GHRH: variants seen among roughly 807,000 people sequenced by gnomAD.
GHRH encodes somatoliberin.
GHRH carries 7 observed loss-of-function variants against 15.6 expected under a neutral mutation model. That is an observed-to-expected ratio of 0.45 (90% confidence interval 0.26 to 0.84). GHRH has a LOEUF of 0.84. Among genes scored for constraint, GHRH ranks in the 40% least tolerant of loss-of-function variants. The pLI, the probability that GHRH is intolerant of heterozygous loss-of-function variation, is 0.18. For missense variants in GHRH, 117 were observed against 138.0 expected (o/e 0.85, Z 0.76); for synonymous variants, 54 against 50.4 (o/e 1.07, Z -0.30).
Position 37,256,394 on chromosome 20 carries a change from C to A in GHRH, c.188G>T (p.Gly63Val), listed in dbSNP as rs1216036464. 6.2e-7 allele frequency: 1 copy of A among 1,601,618 alleles called. No homozygotes were observed. The highest frequency in any genetic ancestry group is 8.5e-7 in the Non-Finnish European group (1 of 1,170,212). ...LLQDIMSRQQ[G>V]ESNQERGARA... ...AGAAATCACTAGAACTCCTGCTTAC[C>A]CCTGCTGCCTGCTCATGATGTCCTG... Residue 63 changes from glycine to valine, a missense_variant and splice_region_variant, in exon 3 of 5, where the codon GGA becomes GTA. Coordinates refer to ENST00000373614, the MANE Select transcript of GHRH (RefSeq NM_021081.6).
chr20:37,251,989 G>A (rs544611149), intron 4 of GHRH, among the ~76,000 whole-genome samples: 5 of 152,236 alleles, frequency 3.3e-5, no homozygotes, highest in South Asian at 4.1e-4. Flanking sequence ...TTTAACTCGC[G>A]GGAACAAAGC....
chr20:37,255,707 T>C (rs1299618330), intron 3 of GHRH, among the ~76,000 whole-genome samples: 1 of 113,208 alleles, frequency 8.8e-6, no homozygotes, highest in East Asian at 2.4e-4. Flanking sequence ...CCCTGTACAA[T>C]GGGGATAAGG....
intron 3 of GHRH, 59 bp from the exon 4 acceptor site, chr20:37,254,388 G>T: frequency 6.3e-7 from 1 of 1,580,828 alleles, no homozygotes; most frequent in Non-Finnish European, 8.7e-7. Flanking sequence ...AAAGGCAGGG[G>T]TATATCCCTA....
In GHRH at chr20:37,256,438, C is replaced by T. The variant is rs970111387; in HGVS notation, c.144G>A (p.Leu48=). 6.2e-7 allele frequency: 1 copy of T among 1,613,586 alleles called. No homozygotes were observed. Among genetic ancestry groups the T allele is most frequent in the Admixed American group, 1.7e-5 (1 of 59,988 alleles). The change falls in exon 3 of 5, where the codon CTG becomes CTA. Residue 48 remains leucine (L), a synonymous_variant. Transcript: ENST00000373614. The part of the protein sequence containing the change: ...TNSYRKVLGQ[L]SARKLLQDIM... The stretch of plus-strand genomic sequence containing the variant: ...TGTCCTGGAGCAGCTTGCGGGCGGA[C>T]AGCTGGCCCAGCACCTTCCGGTAGC...
chr20:37,256,215 G>A (rs1413103150), intron 3 of GHRH, among the ~76,000 whole-genome samples, 179 bp downstream of exon 3: 1 of 152,152 alleles, frequency 6.6e-6, no homozygotes, highest in South Asian at 2.1e-4. Context: ...AGAGACACGT[G>A]GTAGGCATGG....
chr20:37,256,300 G>T (rs531213876), intron 3 of GHRH, 94 bp downstream of exon 3: 226 of 693,786 alleles, frequency 3.3e-4, no homozygotes, highest in Non-Finnish European at 4.6e-4. Flanking sequence ...TGCCAAGGAA[G>T]AGATCTGAAT....
chr20:37,260,277 C>A (rs1195442598), intron 1 of GHRH, among the ~76,000 whole-genome samples: 3 of 152,078 alleles, frequency 2.0e-5, no homozygotes, highest in Non-Finnish European at 4.4e-5. Flanking sequence ...GTTTGCAGAT[C>A]CCACTGGATG....
rs2068641847 is a variant in GHRH, at chr20:37,254,247, A to G, written c.271T>C (p.Leu91=). The G allele has an allele frequency of 6.2e-7, 1 of 1,614,050 alleles. No homozygotes were observed. Among genetic ancestry groups the G allele is most frequent in the African/African-American group, 1.3e-5 (1 of 74,912 alleles). Residue 91 remains leucine (L), a synonymous_variant, in exon 4 of 5, where the codon TTG becomes CTG. Coordinates refer to ENST00000373614, the MANE Select transcript of GHRH (RefSeq NM_021081.6). ...AGCAGGGCCACCAGGATGCTCTCCAATTCCATTTGCTTTTGTTCTGCCCAC... is the reference window on the plus strand; with the variant it reads ...AGCAGGGCCACCAGGATGCTCTCCAGTTCCATTTGCTTTTGTTCTGCCCAC... The part of the protein sequence containing the change: ...SMWAEQKQME[L]ESILVALLQK...
rs556269212 is a variant in GHRH at position 37,258,077 on chromosome 20, G to A, written c.-19-1169C>T. 1.3e-3 allele frequency among the ~76,000 whole-genome samples: 202 copies of A among 152,326 alleles called. No homozygotes were observed. Among genetic ancestry groups the A allele is most frequent in the African/African-American group, 4.6e-3 (193 of 41,566 alleles). On this transcript the variant is annotated intron_variant, in intron 1 of 4. Transcript: ENST00000373614. This position sits in a 1 kb window ranked among gnomAD's most constrained non-coding sequence, Gnocchi z 4.1. The stretch of plus-strand genomic sequence containing the variant: ...GTAACTACCCTTAATTGGGGCCTGC[G>A]GACAGCATGCTCTGCAATTAGGGGA...
intron 1 of GHRH, among the ~76,000 whole-genome samples, chr20:37,259,559 C>CT (rs1404330997): frequency 1.3e-5 from 2 of 152,282 alleles, no homozygotes; most frequent in African/African-American, 4.8e-5. Context: ...AAGCCCTTGG[C>CT]TCCCCACTCC....
chr20:37,252,760 C>T (rs1025477678), intron 4 of GHRH, among the ~76,000 whole-genome samples: 1 of 151,292 alleles, frequency 6.6e-6, no homozygotes, highest in Non-Finnish European at 1.5e-5. Flanking sequence ...AAAAATTAGC[C>T]GGGCGTGGTG....
At chr20:37,261,286 A>G (rs958887608) in intron 1 of GHRH, among the ~76,000 whole-genome samples, 1 of 151,896 alleles carries the variant, frequency 6.6e-6, no homozygotes, top group Non-Finnish European at 1.5e-5. Context: ...GCTGCAATTG[A>G]GCAAGAAAGC....
rs1474695857 is a variant in GHRH at position 37,258,220 on chromosome 20, T to A, written c.-19-1312A>T. Among the ~76,000 whole-genome samples the A allele has an allele frequency of 6.6e-6, 1 of 152,204 alleles. No homozygotes were observed. Among genetic ancestry groups the A allele is most frequent in the Non-Finnish European group, 1.5e-5 (1 of 68,024 alleles). On this transcript the variant is annotated intron_variant, in intron 1 of 4. Transcript: ENST00000373614. This position sits in a 1 kb window ranked among gnomAD's most constrained non-coding sequence, Gnocchi z 4.1. ...CTCGGGGGACTTGGCCACCTAGGAA[T>A]TGGGTCCTCCCATCTCCCATGGGTT... is the stretch of plus-strand genomic sequence containing the variant.
chr20:37,252,846 C>T (rs1358828932), intron 4 of GHRH, among the ~76,000 whole-genome samples: 1 of 151,782 alleles, frequency 6.6e-6, no homozygotes, highest in East Asian at 1.9e-4. Flanking sequence ...CAAGACCAGC[C>T]TGGCCAACAT....
chr20:37,256,322 C>G, intron 3 of GHRH, 72 bp downstream of exon 3: 1 of 905,134 alleles, frequency 1.1e-6, no homozygotes, highest in Non-Finnish European at 1.7e-6. Context: ...GGTCCCTGGT[C>G]CCCTGTAGGG....
At chr20:37,256,074 A>G (rs2068654044) in intron 3 of GHRH, among the ~76,000 whole-genome samples, 1 of 152,248 alleles carries the variant, frequency 6.6e-6, no homozygotes. Context: ...TGACACTACC[A>G]AGGGCATCTG....
At chr20:37,251,863 A>G (rs913614968) in intron 4 of GHRH, among the ~76,000 whole-genome samples, 1 of 152,186 alleles carries the variant, frequency 6.6e-6, no homozygotes, top group Non-Finnish European at 1.5e-5. Context: ...CACCAGTGAT[A>G]TCCTGGTATT....
chr20:37,252,151 G>A (rs2068624918), intron 4 of GHRH, among the ~76,000 whole-genome samples: 1 of 152,218 alleles, frequency 6.6e-6, no homozygotes, highest in Non-Finnish European at 1.5e-5. Context: ...TTGTCTTGCG[G>A]ACCCTAGAGA....
chr20:37,261,698 T>A (rs1198763591), intron 1 of GHRH, 45 bp downstream of exon 1: 1 of 152,258 alleles, frequency 6.6e-6, no homozygotes, highest in Non-Finnish European at 1.5e-5. Flanking sequence ...GGTTAACTTT[T>A]CTTACCCCCA....
Sources: allele counts gnomAD v4.1 joint callset (sites outside exome capture counted in the v4.1 genomes callset), GRCh38; gene constraint gnomAD v4.1.1; non-coding constraint Gnocchi (gnomAD v3.1); transcripts MANE v1.5; gene names NCBI Gene and HGNC (gene_info 2026-07-23, HGNC 2026-07-21).